The following BRCA1 variants were observed in gnomAD, a reference collection of about 807,000 sequenced individuals.
BRCA1 encodes BRCA1 DNA repair associated, also known as breast cancer type 1 susceptibility protein.
In BRCA1, 140 loss-of-function variants were observed where a neutral mutation model predicts 173.7. That is an observed-to-expected ratio of 0.81 (90% CI 0.70 to 0.93). The LOEUF is 0.93. BRCA1 is among the 40% of genes least tolerant of loss of function. The pLI, the probability that BRCA1 is intolerant of heterozygous loss-of-function variation, is 0.00. For synonymous variants in BRCA1, 662 were observed against 756.0 expected, an observed-to-expected ratio of 0.88 and a Z score of 2.04; for missense variants, 1,983 against 2,172.5, an observed-to-expected ratio of 0.91 and a Z score of 1.73.
chr17:43,151,840 G>T (rs2056164089), intron 1 of BRCA1, among the ~76,000 whole-genome samples: 1 of 152,200 alleles, frequency 6.6e-6, no homozygotes, highest in South Asian at 2.1e-4. Flanking sequence ...AGGTTGCAAT[G>T]AGCTATGGTT....
At chr17:43,152,446 T>A (rs33926631) in intron 1 of BRCA1, among the ~76,000 whole-genome samples, 2 of 151,916 alleles carry the variant, frequency 1.3e-5, no homozygotes, top group Non-Finnish European at 2.9e-5. Flanking sequence ...CCAGGCCGGG[T>A]GCAGTGGCTC....
At chr17:43,140,554 A>T (rs1373020917) in intron 1 of BRCA1, among the ~76,000 whole-genome samples, 5 of 151,970 alleles carry the variant, frequency 3.3e-5, no homozygotes, top group Non-Finnish European at 7.4e-5. Flanking sequence ...TCCTGTCTAG[A>T]AGGCCTTTCC....
chr17:43,080,769 G>A (rs2052970026), intron 12 of BRCA1, among the ~76,000 whole-genome samples: 1 of 152,068 alleles, frequency 6.6e-6, no homozygotes, highest in African/African-American at 2.4e-5. Flanking sequence ...TTATGCCACT[G>A]CCCTCCAGCT....
At chr17:43,054,441 A>ATGTTT (rs761274047) in intron 19 of BRCA1, among the ~76,000 whole-genome samples, 1 of 152,090 alleles carries the variant, frequency 6.6e-6, no homozygotes, top group South Asian at 2.1e-4. Context: ...CAGTAGAAGG[A>ATGTTT]TGTTTTGTTT....
chr17:43,090,798 T>C, intron 11 of BRCA1, 146 bp downstream of exon 11: 1 of 808,900 alleles, frequency 1.2e-6, no homozygotes. Context: ...GTGCTTACAG[T>C]CTAATTTAAG....
chr17:43,059,376 A>G (rs2051647114), intron 18 of BRCA1, among the ~76,000 whole-genome samples: 1 of 152,130 alleles, frequency 6.6e-6, no homozygotes, highest in Non-Finnish European at 1.5e-5. Context: ...AGGCAGGAAA[A>G]TCACTTGAAC....
rs80356898 is a variant in BRCA1, at chr17:43,093,844, G to A, written c.1687C>T (p.Gln563Ter). 9.3e-6 allele frequency: 15 copies of A among 1,613,306 alleles called. No individual in the cohort carries two copies. Among genetic ancestry groups the A allele is most frequent in the Non-Finnish European group, 1.3e-5 (15 of 1,179,908 alleles). ...HENKTKGDSI[Q>*]NEKNPNPIES... is the part of the protein sequence containing the mutation. ...ATTGGGTTAGGATTTTTCTCATTCT[G>A]AATAGAATCACCTTTTGTTTTATTC... Residue 563 changes from glutamine (Q) to a stop codon, truncating the protein, a stop_gained, in exon 10 of 23, where the codon CAG (glutamine) becomes TAG (stop). Transcript: ENST00000357654. LOFTEE classifies it high-confidence loss of function.
chr17:43,159,388 A>C (rs2056219855), intron 1 of BRCA1: 1 of 157,650 alleles, frequency 6.3e-6, no homozygotes, highest in Non-Finnish European at 1.4e-5. Flanking sequence ...TCCCTCCCGG[A>C]CGGGGCGGCT....
At position 43,094,169 on chromosome 17, in the gene BRCA1, ACT is replaced by A. The variant is rs80357969; in HGVS notation, c.1360_1361del (p.Ser454Ter). ...SERVHSKSVE[S>X]NIEDKIFGKT... ...TCCCAAATATTTTGTCTTCAATATT[ACT>A]CTCTACTGATTTGGAGTGAACTCTT... On this transcript the variant is annotated frameshift_variant, in exon 10 of 23. Coordinates refer to ENST00000357654, the MANE Select transcript of BRCA1 (RefSeq NM_007294.4). LOFTEE classifies it high-confidence loss of function. 1.9e-6 allele frequency: 3 copies of A among 1,614,018 alleles called. No individual in the cohort carries two copies. Among genetic ancestry groups the A allele is most frequent in the Non-Finnish European group, 2.5e-6 (3 of 1,179,978 alleles).
upstream of BRCA1, chr17:43,125,591 A>G: frequency 3.3e-6 from 1 of 301,972 alleles, no homozygotes; most frequent in South Asian, 3.0e-5. Flanking sequence ...GAAGAGGAAG[A>G]ATTCTACCTG....
intron 3 of BRCA1, chr17:43,110,522 G>A (rs1480963881): frequency 2.3e-6 from 1 of 438,584 alleles, no homozygotes; most frequent in South Asian, 1.6e-5. Flanking sequence ...GGAGGTCAAG[G>A]CAACAGTAAG....
At chr17:43,114,499 C>A (rs1389046765) in intron 3 of BRCA1, among the ~76,000 whole-genome samples, 1 of 150,738 alleles carries the variant, frequency 6.6e-6, no homozygotes, top group East Asian at 1.9e-4. Context: ...GAAAAATGTA[C>A]ATGGCCATAG....
chr17:43,115,760 G>A lies in BRCA1; in HGVS notation c.100C>T (p.Pro34Ser), dbSNP rs1064793357. Reference sequence around the variant, plus strand: ...ATGTGGTCACACTTTGTGGAGACAGGTTCCTTGATCAACTCCAGACTAGCA... The same window carrying A: ...ATGTGGTCACACTTTGTGGAGACAGATTCCTTGATCAACTCCAGACTAGCA... Reference protein sequence around the residue: ...CPICLELIKEPVSTKCDHIFC... With the variant: ...CPICLELIKESVSTKCDHIFC... Residue 34 changes from proline to serine, a missense_variant, in exon 3 of 23, where the codon CCT (proline) becomes TCT (serine). Coordinates refer to ENST00000357654, the MANE Select transcript of BRCA1 (RefSeq NM_007294.4). 1 of 1,613,646 alleles carries A rather than the reference G, an allele frequency of 6.2e-7. No individual in the cohort carries two copies. Among genetic ancestry groups the A allele is most frequent in the Non-Finnish European group, 8.5e-7 (1 of 1,179,776 alleles).
rs187992882 is a variant in BRCA1 at position 43,125,347 on chromosome 17, C to G, written c.-96G>C. On this transcript the variant is annotated 5_prime_UTR_variant, in exon 1 of 23. Transcript: ENST00000357654. ...CTGAGAAACCCCACAGCCTGTCCCC[C>G]GTCCAGGAAGTCTCAGCGAGCTCAC... The G allele has an allele frequency of 4.5e-6, 2 of 440,774 alleles. No individual in the cohort carries two copies. Among genetic ancestry groups the G allele is most frequent in the African/African-American group, 2.0e-5 (1 of 49,734 alleles). The allele number at this position is 440,774 out of a possible 1,614,324, so 27.3% of individuals were successfully genotyped here. A position where few individuals can be genotyped will look rare whatever the true frequency, so the allele number is the denominator to read the frequency against.
intron 1 of BRCA1, among the ~76,000 whole-genome samples, chr17:43,168,663 G>T (rs1400006180): frequency 6.6e-6 from 1 of 152,084 alleles, no homozygotes; most frequent in Non-Finnish European, 1.5e-5. Flanking sequence ...ATAAAATAAG[G>T]TAAATTTAAG....
chr17:43,059,635 C>T (rs368813459), intron 18 of BRCA1, among the ~76,000 whole-genome samples: 5 of 152,050 alleles, frequency 3.3e-5, no homozygotes, highest in Non-Finnish European at 7.4e-5. Context: ...ATCTATTGTT[C>T]AAGCCAAAAC....
At chr17:43,146,525 G>T (rs1181437786) in intron 1 of BRCA1, among the ~76,000 whole-genome samples, 1 of 151,632 alleles carries the variant, frequency 6.6e-6, no homozygotes, top group East Asian at 1.9e-4. Flanking sequence ...AGCCAGGATG[G>T]TCTCGATCTC....
chr17:43,100,596 T>A lies in BRCA1; in HGVS notation c.442-716A>T, dbSNP rs10445318. On this transcript the variant is annotated intron_variant, in intron 6 of 22. Coordinates refer to ENST00000357654, the MANE Select transcript of BRCA1 (RefSeq NM_007294.4). Reference sequence around the variant, plus strand: ...TAACATATATATAACATATATATATTATATATATATAACATATATATAACA... The same window carrying A: ...TAACATATATATAACATATATATATAATATATATATAACATATATATAACA... 9.6e-3 allele frequency among the ~76,000 whole-genome samples: 476 copies of A among 49,674 alleles called. 21 individuals carry two copies. The highest frequency in any genetic ancestry group is 0.044 in the East Asian group (92 of 2,102). The allele number at this position is 49,674 out of a possible 152,430, so 32.6% of individuals were successfully genotyped here.
intron 1 of BRCA1, chr17:43,145,330 T>A: frequency 6.6e-6 from 1 of 151,940 alleles, no homozygotes; most frequent in Admixed American, 9.5e-5. Flanking sequence ...TTTTTCTTTC[T>A]TTTTTTTTTT....
Sources: allele counts gnomAD v4.1 joint callset (sites outside exome capture counted in the v4.1 genomes callset), GRCh38; gene constraint gnomAD v4.1.1; transcripts MANE v1.5; gene names NCBI Gene and HGNC (gene_info 2026-07-23, HGNC 2026-07-21).